The following AMT variants were observed in gnomAD, a reference collection of about 807,000 sequenced individuals.
The protein encoded by AMT is aminomethyltransferase.
A neutral mutation model predicts 39.5 loss-of-function variants in AMT; 24 were observed. The ratio of observed to expected loss-of-function variants is 0.61; its 90% CI spans 0.44 to 0.86. The LOEUF (loss-of-function observed/expected upper bound fraction) is 0.86. AMT is among the 40% of genes least tolerant of loss of function. The probability of loss-of-function intolerance (pLI) is 0.00; values close to 1 mark genes in which losing one functional copy is unlikely to be tolerated. For synonymous variants in AMT, 210 were observed against 212.1 expected (o/e 0.99, Z 0.09); for missense variants, 501 against 537.0 (o/e 0.93, Z 0.66).
At chr3:49,418,881 A>G (rs1295717941) in intron 7 of AMT, 90 bp downstream of exon 7, 2 of 1,428,304 alleles carry the variant, frequency 1.4e-6, no homozygotes, top group Non-Finnish European at 2.0e-6. Context: ...TTCAGGCTAC[A>G]TAACCTTTGG....
intron 7 of AMT, chr3:49,418,273 C>G: frequency 2.4e-6 from 1 of 425,110 alleles, no homozygotes; most frequent in South Asian, 2.3e-5. Context: ...AACTCTGCCT[C>G]CCAGGTTCAA....
Position 49,419,165 on chromosome 3 carries a change from C to A in AMT, c.697-14G>T. The A allele has an allele frequency of 6.2e-7, 1 of 1,613,818 alleles. No homozygotes were observed. Among genetic ancestry groups the A allele is most frequent in the Non-Finnish European group, 8.5e-7 (1 of 1,179,890 alleles). On this transcript the variant is annotated splice_polypyrimidine_tract_variant and intron_variant, in intron 6 of 8. Transcript: ENST00000273588. ...CGGCACCGAGATCTGTATGAAACAC[C>A]AGAGGGCAGATGGGAAGCTCCCTGT...
rs200568631 is a variant in AMT at position 49,417,377 on chromosome 3, C to G, written c.*163G>C. ...AGGGTCCTGAAGGAAGCTGGAATGG[C>G]ATGAGTTAGGTGGGGGGAATAGGTG... On this transcript the variant is annotated 3_prime_UTR_variant, in exon 9 of 9. Coordinates refer to ENST00000273588, the MANE Select transcript of AMT (RefSeq NM_000481.4). 183 of 1,602,206 alleles carry G rather than the reference C, an allele frequency of 1.1e-4. No homozygotes were observed. Among genetic ancestry groups the G allele is most frequent in the Middle Eastern group, 6.6e-4 (4 of 6,054 alleles).
chr3:49,420,160 C>T (rs1559529212), intron 4 of AMT, 51 bp downstream of exon 4: 7 of 1,612,356 alleles, frequency 4.3e-6, no homozygotes, highest in South Asian at 2.2e-5. Context: ...AACAAGGATA[C>T]TGCTCTATGA....
intron 1 of AMT, 38 bp downstream of exon 1, chr3:49,422,323 C>T (rs934826873): frequency 6.2e-6 from 10 of 1,613,098 alleles, no homozygotes; most frequent in Non-Finnish European, 8.5e-6. Context: ...CAGCCGCTTC[C>T]CTCCCCCACC....
intron 3 of AMT, chr3:49,421,051 C>T (rs904472590): frequency 3.3e-5 from 9 of 271,448 alleles, no homozygotes; most frequent in Admixed American, 9.8e-5. Context: ...ACTACAAGCA[C>T]GCGCCACCAC....
intron 7 of AMT, 141 bp from the exon 8 acceptor site, chr3:49,418,114 A>G: frequency 8.9e-7 from 1 of 1,127,410 alleles, no homozygotes; most frequent in East Asian, 2.6e-5. Context: ...TCCTCCCTTC[A>G]CTGCCGTCAG....
At chr3:49,419,510 C>A in intron 5 of AMT, 105 bp from the exon 6 acceptor site, 1 of 1,551,790 alleles carries the variant, frequency 6.4e-7, no homozygotes. Context: ...ATGTCTTACT[C>A]TGCAAGTGGG....
intron 3 of AMT, chr3:49,420,834 G>A (rs1191484121): frequency 4.7e-6 from 1 of 213,744 alleles, no homozygotes. Flanking sequence ...ATCACCTGGG[G>A]ATCTTGTTAA....
chr3:49,422,462 A>G lies in AMT; in HGVS notation c.-12T>C, dbSNP rs779387596. The G allele has an allele frequency of 4.0e-5, 64 of 1,611,460 alleles. No homozygotes were observed. Among genetic ancestry groups the G allele is most frequent in the Non-Finnish European group, 5.3e-5 (62 of 1,179,160 alleles). On this transcript the variant is annotated 5_prime_UTR_variant, in exon 1 of 9. Transcript: ENST00000273588. Reference sequence around the variant, plus strand: ...ACAGCCCTCTGCATCGTCGCCTGCAACGAGTGCAGACGGCGCACAGAGGCC... The same window carrying G: ...ACAGCCCTCTGCATCGTCGCCTGCAGCGAGTGCAGACGGCGCACAGAGGCC...
chr3:49,417,305 A>C lies in AMT; in HGVS notation c.*235T>G, dbSNP rs2049015096. On this transcript the variant is annotated 3_prime_UTR_variant, in exon 9 of 9. Coordinates refer to ENST00000273588, the MANE Select transcript of AMT (RefSeq NM_000481.4). ...CAGGCAAGAGTAGGTCAGTGGGATC[A>C]TGGACTGAAACAAGACATTGTGTGA... 1 of 1,597,738 alleles carries C rather than the reference A, an allele frequency of 6.3e-7. No homozygotes were observed. The highest frequency in any genetic ancestry group is 8.5e-7 in the Non-Finnish European group (1 of 1,178,344).
intron 4 of AMT, 42 bp from the exon 5 acceptor site, chr3:49,419,830 A>AG: frequency 6.3e-7 from 1 of 1,581,026 alleles, no homozygotes; most frequent in Non-Finnish European, 8.7e-7. Flanking sequence ...CCACTTACTG[A>AG]GCAGCTACCA....
Position 49,419,005 on chromosome 3 carries a change from A to C in AMT, c.843T>G (p.Thr281=), listed in dbSNP as rs774244896. The change falls in exon 7 of 9, where the codon ACT becomes ACG. Residue 281 remains threonine (T), a synonymous_variant. Coordinates refer to ENST00000273588, the MANE Select transcript of AMT (RefSeq NM_000481.4). ...CLYGNDIDEH[T]TPVEGSLSWT... is the part of the protein sequence containing the mutation. ...AACTGAGGCTGCCCTCCACAGGTGTAGTGTGTTCATCAATGTCATTCCCAT... is the reference window on the plus strand; with the variant it reads ...AACTGAGGCTGCCCTCCACAGGTGTCGTGTGTTCATCAATGTCATTCCCAT... The C allele has an allele frequency of 6.2e-7, 1 of 1,613,878 alleles. No individual in the cohort carries two copies. The highest frequency in any genetic ancestry group is 1.3e-5 in the African/African-American group (1 of 74,968).
chr3:49,420,568 G>A, intron 3 of AMT: 1 of 578,000 alleles, frequency 1.7e-6, no homozygotes, highest in Non-Finnish European at 3.1e-6. Flanking sequence ...CCCTGATCTG[G>A]TGCAACCTCT....
chr3:49,421,936 G>C, intron 2 of AMT, 168 bp downstream of exon 2: 1 of 923,408 alleles, frequency 1.1e-6, no homozygotes, highest in African/African-American at 1.6e-5. Flanking sequence ...GACCCTCTGA[G>C]CTCATTTCCT....
rs199638653 is a variant in AMT, at chr3:49,419,298, C to T, written c.658G>A (p.Val220Met). The T allele has an allele frequency of 4.3e-5, 69 of 1,614,174 alleles. No homozygotes were observed. Among genetic ancestry groups the T allele is most frequent in the East Asian group, 6.7e-5 (3 of 44,886 alleles). The stretch of plus-strand genomic sequence containing the variant: ...TCTCCTGTGTAGCCACAGCGGGTCA[C>T]GCGGCAGCCAGACACGCCAAACACC... ...MEVFGVSGCR[V>M]TRCGYTGEDG... Residue 220 changes from valine to methionine, a missense_variant, in exon 6 of 9, where the codon GTG (valine) becomes ATG (methionine). Transcript: ENST00000273588.
rs1241318408 is a variant in AMT, at chr3:49,416,893, C to G, written c.*647G>C. 1 of 457,956 alleles carries G rather than the reference C, an allele frequency of 2.2e-6. No homozygotes were observed. Among genetic ancestry groups the G allele is most frequent in the Non-Finnish European group, 4.4e-6 (1 of 229,738 alleles). The allele number at this position is 457,956 out of a possible 1,614,324, so 28.4% of individuals were successfully genotyped here. A position where few individuals can be genotyped will look rare whatever the true frequency, so the allele number is the denominator to read the frequency against. Reference sequence around the variant, plus strand: ...CAAGTCTGGGAGGAAGCCCACCCTGCCCTACAGCAGCCCTGGAACTCAGAA... The same window carrying G: ...CAAGTCTGGGAGGAAGCCCACCCTGGCCTACAGCAGCCCTGGAACTCAGAA... On this transcript the variant is annotated 3_prime_UTR_variant, in exon 9 of 9. Coordinates refer to ENST00000273588, the MANE Select transcript of AMT (RefSeq NM_000481.4).
chr3:49,418,180 T>C, intron 7 of AMT: 1 of 613,754 alleles, frequency 1.6e-6, no homozygotes, highest in Non-Finnish European at 2.8e-6. Flanking sequence ...CCGAGCGTCT[T>C]CAGTTTCTTT....
At chr3:49,417,741 G>A (rs1197644605) in intron 8 of AMT, 23 bp from the exon 9 acceptor site, 10 of 1,613,948 alleles carry the variant, frequency 6.2e-6, no homozygotes, top group East Asian at 4.5e-5. Flanking sequence ...CATAAGCCAC[G>A]CATCAGCACC....
Sources: allele counts gnomAD v4.1 joint callset, GRCh38; gene constraint gnomAD v4.1.1; transcripts MANE v1.5; gene names NCBI Gene and HGNC (gene_info 2026-07-23, HGNC 2026-07-21).